RIPOR3: variants seen among roughly 807,000 people sequenced by gnomAD.
RIPOR3 encodes the protein family with sequence similarity 65 member C.
In RIPOR3, 95 loss-of-function variants were observed where a neutral mutation model predicts 114.3. The ratio of observed to expected loss-of-function variants is 0.83; its 90% confidence interval spans 0.70 to 0.99. RIPOR3 has a LOEUF of 0.99. RIPOR3 is among the 50% of genes least tolerant of loss of function. The pLI is 0.00. For synonymous variants in RIPOR3, 575 were observed against 543.8 expected, an observed-to-expected ratio of 1.06 and a Z score of -0.80; for missense variants, 1,252 against 1,266.9, an observed-to-expected ratio of 0.99 and a Z score of 0.18.
chr20:50,603,987 G>T (rs888888880), intron 12 of RIPOR3, among the ~76,000 whole-genome samples: 10 of 152,058 alleles, frequency 6.6e-5, no homozygotes, highest in Admixed American at 6.5e-5. Context: ...TTCAAGACCA[G>T]CCTGGCTAAC....
chr20:50,667,769 A>G (rs1471073384), intron 1 of RIPOR3, among the ~76,000 whole-genome samples: 2 of 152,174 alleles, frequency 1.3e-5, no homozygotes, highest in Admixed American at 6.5e-5. Context: ...GGAAACTGAA[A>G]ATTCACACAG....
intron 4 of RIPOR3, among the ~76,000 whole-genome samples, chr20:50,615,588 G>C (rs2123118889): frequency 6.6e-6 from 1 of 151,480 alleles, no homozygotes; most frequent in South Asian, 2.1e-4. Context: ...CCTGTCAGCT[G>C]GGCATTGAAG....
At position 50,602,203 on chromosome 20, in the gene RIPOR3, C is replaced by A. The variant is rs1379601407; in HGVS notation, c.1528G>T (p.Glu510Ter). 1 of 1,613,776 alleles carries A rather than the reference C, an allele frequency of 6.2e-7. No homozygotes were observed. Among genetic ancestry groups the A allele is most frequent in the Non-Finnish European group, 8.5e-7 (1 of 1,179,954 alleles). ...GHEEGATGDR[E>*]DGPGVALEGP... ...TCGAGGGCCACGCCAGGCCCGTCCT[C>A]TCTGTCCCCGGTTGCCCCTTCCTCG... Residue 510 changes from glutamate (E) to a stop codon, truncating the protein, a stop_gained, in exon 13 of 22, where the codon GAG becomes TAG. Transcript: ENST00000327979. LOFTEE classifies it high-confidence loss of function. The surrounding 1 kb of genome is among the most constrained non-coding windows in gnomAD (Gnocchi z 4.3).
At chr20:50,633,127 T>C (rs1263918239) in intron 1 of RIPOR3, among the ~76,000 whole-genome samples, 2 of 152,116 alleles carry the variant, frequency 1.3e-5, no homozygotes, top group East Asian at 1.9e-4. Context: ...CCAGGCTTGG[T>C]GGCAGGCGCC....
At chr20:50,678,652 T>G (rs1057426706) in intron 1 of RIPOR3, among the ~76,000 whole-genome samples, 1 of 152,202 alleles carries the variant, frequency 6.6e-6, no homozygotes, top group African/African-American at 2.4e-5. Flanking sequence ...CTAAGATATT[T>G]TGGCACAACC....
At chr20:50,621,596 T>C (rs752262724) in intron 2 of RIPOR3, among the ~76,000 whole-genome samples, 1 of 152,202 alleles carries the variant, frequency 6.6e-6, no homozygotes, top group Non-Finnish European at 1.5e-5. Context: ...AGAAGTGTTT[T>C]TTCCCCTGGC....
intron 11 of RIPOR3, among the ~76,000 whole-genome samples, chr20:50,606,853 C>G (rs565168427): frequency 2.1e-4 from 32 of 152,236 alleles, no homozygotes; most frequent in East Asian, 3.9e-4. Flanking sequence ...CCTCAGCCTC[C>G]CAAGTAGCTG....
chr20:50,677,568 C>T (rs1443500019), intron 1 of RIPOR3, among the ~76,000 whole-genome samples: 2 of 151,750 alleles, frequency 1.3e-5, no homozygotes, highest in African/African-American at 4.8e-5. Context: ...AATGGGTTTT[C>T]ACCATGTTGG....
At chr20:50,669,339 G>A (rs1277650972) in intron 1 of RIPOR3, among the ~76,000 whole-genome samples, 1 of 152,184 alleles carries the variant, frequency 6.6e-6, no homozygotes. Flanking sequence ...TACCACGATT[G>A]TGACTAATTA....
intron 14 of RIPOR3, 166 bp downstream of exon 14, chr20:50,597,413 TG>T (rs2083331037): frequency 2.0e-6 from 2 of 1,001,528 alleles, no homozygotes. Context: ...CTGAGGCAAG[TG>T]GGGGATGTGC....
rs529850638 is a variant in RIPOR3 at position 50,606,998 on chromosome 20, G to A, written c.956+1391C>T. Among the ~76,000 whole-genome samples the A allele has an allele frequency of 5.9e-5, 9 of 152,296 alleles. No individual in the cohort carries two copies. The East Asian group carries it at 1.7e-3, about 29-fold the overall frequency. On this transcript the variant is annotated intron_variant, in intron 11 of 21. Coordinates refer to ENST00000327979, the MANE Select transcript of RIPOR3 (RefSeq NM_001290268.2). ...GCCCACCTACGCCTCTCAAAGTGCT[G>A]GGATTATAGGTGTGAGCCACCGCGC...
intron 19 of RIPOR3, among the ~76,000 whole-genome samples, chr20:50,591,873 G>T (rs1214514605): frequency 6.6e-6 from 1 of 152,220 alleles, no homozygotes; most frequent in East Asian, 1.9e-4. Context: ...AAGGCAGGCG[G>T]ATCGCAGGGT....
intron 3 of RIPOR3, among the ~76,000 whole-genome samples, chr20:50,619,312 G>A (rs867354563): frequency 1.3e-5 from 2 of 151,562 alleles, no homozygotes; most frequent in South Asian, 2.1e-4. Context: ...GTGATGGTGC[G>A]TACCTGCAGT....
intron 4 of RIPOR3, among the ~76,000 whole-genome samples, chr20:50,614,349 T>C (rs148525079): frequency 2.4e-3 from 368 of 152,262 alleles, no homozygotes; most frequent in African/African-American, 8.3e-3. Flanking sequence ...GGATGCTATT[T>C]TGGTAGAAAA....
At chr20:50,615,913 C>A in intron 4 of RIPOR3, 89 bp downstream of exon 4, 1 of 1,275,140 alleles carries the variant, frequency 7.8e-7, no homozygotes, top group Non-Finnish European at 1.1e-6. Context: ...AAGAGTCACA[C>A]CGTGACATAG....
At chr20:50,605,716 T>C (rs1011929207) in intron 11 of RIPOR3, among the ~76,000 whole-genome samples, 3 of 150,090 alleles carry the variant, frequency 2.0e-5, no homozygotes, top group Admixed American at 6.7e-5. Flanking sequence ...AGGTGGAGGC[T>C]GCAGTGAGCC....
At chr20:50,611,407 G>A (rs868397060) in intron 4 of RIPOR3, among the ~76,000 whole-genome samples, 4 of 152,210 alleles carry the variant, frequency 2.6e-5, no homozygotes, top group Non-Finnish European at 4.4e-5. Context: ...ACACATGCAC[G>A]TGGGATGAGG....
intron 21 of RIPOR3, 35 bp downstream of exon 21, chr20:50,587,767 C>T (rs758234166): frequency 7.2e-5 from 115 of 1,608,140 alleles, no homozygotes; most frequent in East Asian, 3.6e-4. Flanking sequence ...GCCCCAGGCA[C>T]CCCGCTGCGC....
chr20:50,683,057 G>A (rs1354233836), intron 1 of RIPOR3, among the ~76,000 whole-genome samples: 1 of 152,176 alleles, frequency 6.6e-6, no homozygotes, highest in African/African-American at 2.4e-5. Flanking sequence ...AAGGGAAATT[G>A]AGAAGATGAA....
Sources: allele counts gnomAD v4.1 joint callset (sites outside exome capture counted in the v4.1 genomes callset), GRCh38; gene constraint gnomAD v4.1.1; non-coding constraint Gnocchi (gnomAD v3.1); transcripts MANE v1.5; gene names NCBI Gene and HGNC (gene_info 2026-07-23, HGNC 2026-07-21).